Variants in DMD observed in about 807,000 individuals in gnomAD.
The protein encoded by DMD is dystrophin.
Under a neutral mutation model 330.1 loss-of-function variants are expected in DMD, and 63 were observed. The observed-to-expected ratio is 0.19, with a 90% CI of 0.16 to 0.24. The LOEUF (loss-of-function observed/expected upper bound fraction) is 0.24, where lower values mean the gene tolerates loss of function less well. Among genes scored for constraint, DMD ranks in the 10% least tolerant of loss-of-function variants. The pLI, the probability that DMD is intolerant of heterozygous loss-of-function variation, is 1.00. For synonymous variants in DMD, 1,223 were observed against 959.8 expected (o/e 1.27, Z -5.07); for missense variants, 3,344 against 2,684.1 (o/e 1.25, Z -5.43).
At chrX:31,276,552 T>C (rs1217513365) in intron 62 of DMD, among the ~76,000 whole-genome samples, 1 of 112,152 alleles carries the variant, frequency 8.9e-6, no homozygotes, top group Non-Finnish European at 1.9e-5. Flanking sequence ...GTACAGAAGC[T>C]GAACACACAC....
chrX:32,475,825 A>G (rs1456552339), intron 21 of DMD, among the ~76,000 whole-genome samples: 1 of 110,815 alleles, frequency 9.0e-6, no homozygotes, highest in African/African-American at 3.3e-5. Context: ...GTCGGCAAAC[A>G]CTGACAGTTT....
chrX:31,820,412 G>A (rs749056355), intron 49 of DMD, among the ~76,000 whole-genome samples: 2 of 111,967 alleles, frequency 1.8e-5, no homozygotes, highest in South Asian at 7.5e-4. Context: ...ATCTATTGTG[G>A]TTGCATACTA....
intron 2 of DMD, among the ~76,000 whole-genome samples, chrX:32,892,020 C>A (rs189908194): frequency 3.8e-4 from 42 of 111,946 alleles, no homozygotes; most frequent in South Asian, 1.9e-3. Context: ...ATCAGTTATT[C>A]AATGTGTTAG....
chrX:31,659,641 A>G (rs1358688602), intron 53 of DMD, among the ~76,000 whole-genome samples: 3,351 of 66,435 alleles, frequency 0.05, 137 homozygotes, highest in East Asian at 0.12. Context: ...CCATCTCGGA[A>G]AAAAAAAAAA....
chrX:32,794,199 T>C (rs567903146), intron 7 of DMD, among the ~76,000 whole-genome samples: 12 of 111,521 alleles, frequency 1.1e-4, no homozygotes, highest in East Asian at 5.7e-4. Context: ...TCCAACAAAC[T>C]AGGCATACAA....
chrX:31,366,957 T>C (rs1303197229), intron 60 of DMD, among the ~76,000 whole-genome samples: 1 of 111,440 alleles, frequency 9.0e-6, no homozygotes, highest in African/African-American at 3.3e-5. Flanking sequence ...TCCTTTTCTA[T>C]GCAGCAGTCT....
At position 32,763,684 on chromosome X, in the gene DMD, T is replaced by C. The variant is rs766220438; in HGVS notation, c.649+45809A>G. Among the ~76,000 whole-genome samples the C allele has an allele frequency of 3.6e-5, 4 of 112,058 alleles. No individual in the cohort carries two copies. The South Asian group carries it at 1.5e-3, about 41-fold the overall frequency. On this transcript the variant is annotated intron_variant, in intron 7 of 78. Coordinates refer to ENST00000357033, the MANE Select transcript of DMD (RefSeq NM_004006.3). ...ATGGTCTACCAACCTTATTGTCCAA[T>C]CTATATTTCAAGTGTCTACCTTGAT... is the stretch of plus-strand genomic sequence containing the variant.
chrX:31,556,063 G>A lies in DMD; in HGVS notation c.8218-48610C>T, dbSNP rs765222893. 3.6e-5 allele frequency among the ~76,000 whole-genome samples: 4 copies of A among 110,481 alleles called. No individual in the cohort carries two copies. The Admixed American group carries it at 3.9e-4, about 11-fold the overall frequency. On this transcript the variant is annotated intron_variant, in intron 55 of 78. Transcript: ENST00000357033. ...TTTTAAAAGATTTATGATAGGTGAAGTTTAAAAAAAATAATAATAATTGGC... is the reference window on the plus strand; with the variant it reads ...TTTTAAAAGATTTATGATAGGTGAAATTTAAAAAAAATAATAATAATTGGC...
At chrX:32,823,661 A>T (rs1343129579) in intron 4 of DMD, among the ~76,000 whole-genome samples, 1 of 111,991 alleles carries the variant, frequency 8.9e-6, no homozygotes, top group Non-Finnish European at 1.9e-5. Context: ...AAAATGTCAT[A>T]AAGTATGTTT....
chrX:31,500,077 T>G (rs1433539081), intron 56 of DMD, among the ~76,000 whole-genome samples: 1 of 111,566 alleles, frequency 9.0e-6, no homozygotes. Context: ...AAAGGAAAAA[T>G]GTGATAGGAG....
intron 44 of DMD, among the ~76,000 whole-genome samples, chrX:31,970,059 T>C (rs1400320554): frequency 8.9e-6 from 1 of 111,933 alleles, no homozygotes; most frequent in Non-Finnish European, 1.9e-5. Context: ...GTAATCACGG[T>C]TTATGCCATT....
chrX:32,849,972 T>A, intron 2 of DMD, 152 bp from the exon 3 acceptor site: 1 of 487,453 alleles, frequency 2.1e-6, no homozygotes, highest in Admixed American at 4.1e-5. Flanking sequence ...AAAGGAAAGT[T>A]CAAATGACAA....
chrX:31,473,038 A>C (rs928794227), intron 59 of DMD, among the ~76,000 whole-genome samples: 12 of 111,736 alleles, frequency 1.1e-4, no homozygotes, highest in African/African-American at 3.9e-4. Flanking sequence ...CTCAAGAAGG[A>C]CATACCACTT....
intron 1 of DMD, among the ~76,000 whole-genome samples, chrX:33,123,553 AT>A (rs751215412): frequency 1.8e-5 from 2 of 109,320 alleles, no homozygotes; most frequent in Non-Finnish European, 3.8e-5. Flanking sequence ...AGTAGCTGGG[AT>A]TTCAGGAACC....
In DMD at chrX:31,173,529, A is replaced by G. The variant is rs2148226766; in HGVS notation, c.10328+10T>C. 4.1e-6 allele frequency: 5 copies of G among 1,206,545 alleles called. No individual in the cohort carries two copies. Among genetic ancestry groups the G allele is most frequent in the Non-Finnish European group, 5.6e-6 (5 of 890,843 alleles). ...ATCAATATTTGCCTGGCATACAACT[A>G]GTCTCATACCTGCTAGCATAATGTT... On this transcript the variant is annotated intron_variant, in intron 72 of 78. Coordinates refer to ENST00000357033, the MANE Select transcript of DMD (RefSeq NM_004006.3).
rs1299392714 is a variant in DMD, at chrX:31,135,519, C to A, written c.10922-1325G>T. On this transcript the variant is annotated intron_variant, in intron 76 of 78. Transcript: ENST00000357033. ...AAAGAAGACATTACAAACATTTTGA[C>A]TGTTTATGTGAGGAGAGAATGATGA... 3.6e-5 allele frequency among the ~76,000 whole-genome samples: 4 copies of A among 111,592 alleles called. No individual in the cohort carries two copies. In the East Asian group the frequency reaches 1.1e-3, roughly 31 times the overall value.
Position 31,818,856 on chromosome X carries a change from T to G in DMD, c.7309+1119A>C, listed in dbSNP as rs553338715. On this transcript the variant is annotated intron_variant, in intron 50 of 78. Transcript: ENST00000357033. ...TGCACTGTCCCCAGATTGTAGGGCT[T>G]CTTTTAATCCAAGCACTATTTATGC... Among the ~76,000 whole-genome samples the G allele has an allele frequency of 9.0e-5, 10 of 111,089 alleles. No individual in the cohort carries two copies. The South Asian group carries it at 3.8e-3, about 43-fold the overall frequency.
intron 52 of DMD, among the ~76,000 whole-genome samples, chrX:31,707,811 T>G (rs186926002): frequency 9.0e-6 from 1 of 110,759 alleles, no homozygotes; most frequent in African/African-American, 3.3e-5. Flanking sequence ...ATAGCCACAA[T>G]GGAACTATGA....
At chrX:32,882,731 C>T (rs1216953950) in intron 2 of DMD, among the ~76,000 whole-genome samples, 2 of 111,803 alleles carry the variant, frequency 1.8e-5, no homozygotes, top group African/African-American at 3.3e-5. Context: ...TCAAATCTAG[C>T]CCTGTAGTTA....
Sources: gnomAD v4.1 joint callset for allele counts (sites outside exome capture counted in the v4.1 genomes callset) on GRCh38, gnomAD v4.1.1 for gene constraint, MANE v1.5 for transcripts, NCBI Gene and HGNC (gene_info 2026-07-23, HGNC 2026-07-21) for gene names.